KCNQ1OT1: variants seen among roughly 807,000 people sequenced by gnomAD.
The protein encoded by KCNQ1OT1 is KCNQ1 opposite strand/antisense transcript 1, also known as KCNQ1 antisense RNA 2 (non-protein coding).
chr11:2,650,489 T>C, exon 1 of KCNQ1OT1: 1 of 398,602 alleles, frequency 2.5e-6, no homozygotes, highest in African/African-American at 2.1e-5. Flanking sequence ...TGCAGAAGTG[T>C]GGTGTCTCTA....
At chr11:2,692,904 C>G in exon 1 of KCNQ1OT1, 1 of 398,358 alleles carries the variant, frequency 2.5e-6, no homozygotes, top group Non-Finnish European at 4.4e-6. Flanking sequence ...TGGCTAAAAT[C>G]AACTGTAGCA....
Position 2,678,480 on chromosome 11 carries a change from C to G in KCNQ1OT1, n.21515G>C. 1 of 398,584 alleles carries G rather than the reference C, an allele frequency of 2.5e-6. No individual in the cohort carries two copies. Among genetic ancestry groups the G allele is most frequent in the Non-Finnish European group, 4.4e-6 (1 of 226,054 alleles). 24.7% of individuals were successfully genotyped at this position (398,584 alleles called of 1,614,324 possible). Reference sequence around the variant, plus strand: ...TGCTACCTTTATCATATTTCAAACTCTCATTTAATTTGTGTCCATTTCTAG... The same window carrying G: ...TGCTACCTTTATCATATTTCAAACTGTCATTTAATTTGTGTCCATTTCTAG... On this transcript the variant is annotated non_coding_transcript_exon_variant, in exon 1 of 1. Coordinates refer to ENST00000597346, the Ensembl canonical transcript of KCNQ1OT1. The surrounding 1 kb of genome is among the most constrained non-coding windows in gnomAD (Gnocchi z 4.9).
chr11:2,609,533 G>C (rs1020665578), exon 1 of KCNQ1OT1: 3 of 398,124 alleles, frequency 7.5e-6, no homozygotes, highest in African/African-American at 2.1e-5. Flanking sequence ...ATTACCTTTT[G>C]AGTCTAGTTG....
chr11:2,631,511 G>A (rs991937992), exon 1 of KCNQ1OT1: 1 of 398,160 alleles, frequency 2.5e-6, no homozygotes, highest in Admixed American at 4.4e-5. Context: ...CTGTTCTCTG[G>A]TAGCACACTG....
chr11:2,616,872 T>C (rs184045767), exon 1 of KCNQ1OT1: 180 of 398,250 alleles, frequency 4.5e-4, no homozygotes, highest in African/African-American at 3.2e-3. Flanking sequence ...GGAGTGTCCA[T>C]ATATGTTTGT....
exon 1 of KCNQ1OT1, chr11:2,632,579 AT>A (rs1849378467): frequency 2.5e-6 from 1 of 398,340 alleles, no homozygotes; most frequent in Non-Finnish European, 4.4e-6. Context: ...ATACACAGTG[AT>A]ATTGTGATAC....
In KCNQ1OT1 at chr11:2,657,421, A is replaced by T; in HGVS notation, n.42574T>A. 1 of 398,538 alleles carries T rather than the reference A, an allele frequency of 2.5e-6. No homozygotes were observed. Among genetic ancestry groups the T allele is most frequent in the South Asian group, 1.3e-4 (1 of 7,856 alleles). The allele number at this position is 398,538 out of a possible 1,614,324, so 24.7% of individuals were successfully genotyped here. On this transcript the variant is annotated non_coding_transcript_exon_variant, in exon 1 of 1. Coordinates refer to ENST00000597346, the Ensembl canonical transcript of KCNQ1OT1. This position sits in a 1 kb window ranked among gnomAD's most constrained non-coding sequence, Gnocchi z 4.8. ...ACAATTTTCTCCAGAGTTCTTGCAT[A>T]TACTTAGTTAGATAATTAATATTCT...
exon 1 of KCNQ1OT1, chr11:2,660,773 TACA>T (rs1849939789): frequency 7.5e-6 from 3 of 398,642 alleles, no homozygotes; most frequent in Admixed American, 8.8e-5. Flanking sequence ...CCTGAATTGC[TACA>T]ACTTCTTGGG....
rs1258393846 is a variant in KCNQ1OT1, at chr11:2,627,736, C to A, written n.72259G>T. On this transcript the variant is annotated non_coding_transcript_exon_variant, in exon 1 of 1. Transcript: ENST00000597346. This position sits in a 1 kb window ranked among gnomAD's most constrained non-coding sequence, Gnocchi z 4.9. ...GTGTTTATTTGGGAATTTGGTGATA[C>A]ACACACACACACTATTTTCTTCCTT... The A allele has an allele frequency of 2.5e-6, 1 of 394,098 alleles. No homozygotes were observed. Among genetic ancestry groups the A allele is most frequent in the Non-Finnish European group, 4.5e-6 (1 of 223,496 alleles). 24.4% of individuals were successfully genotyped at this position (394,098 alleles called of 1,614,324 possible).
At chr11:2,649,991 TA>T (rs1849732929) in exon 1 of KCNQ1OT1, 7 of 398,498 alleles carry the variant, frequency 1.8e-5, no homozygotes, top group Non-Finnish European at 3.1e-5. Flanking sequence ...TTTTTATTGT[TA>T]TTTTTTAAAT....
chr11:2,648,607 C>A, exon 1 of KCNQ1OT1: 1 of 398,298 alleles, frequency 2.5e-6, no homozygotes, highest in Non-Finnish European at 4.4e-6. Flanking sequence ...TATTGATTTC[C>A]AGTTTTATTC....
At chr11:2,699,490 A>G (rs1463180751) in exon 1 of KCNQ1OT1, 3 of 170,010 alleles carry the variant, frequency 1.8e-5, no homozygotes, top group South Asian at 4.4e-4. Context: ...GCCCCCGGGG[A>G]GAGTGCCGCG....
In KCNQ1OT1 at chr11:2,690,123, G is replaced by A. The variant is rs1039988294; in HGVS notation, n.9872C>T. The stretch of plus-strand genomic sequence containing the variant: ...CTCTTCCGGGGTTAGAACTGGGGGA[G>A]CAGGGACAAAAAGCGGGCAGCCCTC... On this transcript the variant is annotated non_coding_transcript_exon_variant, in exon 1 of 1. Coordinates refer to ENST00000597346, the Ensembl canonical transcript of KCNQ1OT1. This position sits in a 1 kb window ranked among gnomAD's most constrained non-coding sequence, Gnocchi z 5.1. 7 of 398,888 alleles carry A rather than the reference G, an allele frequency of 1.8e-5. No homozygotes were observed. In the Admixed American group the frequency reaches 2.2e-4, roughly 13 times the overall value. The allele number at this position is 398,888 out of a possible 1,614,324, so 24.7% of individuals were successfully genotyped here.
In KCNQ1OT1 at chr11:2,651,912, G is replaced by T; in HGVS notation, n.48083C>A. Reference sequence around the variant, plus strand: ...CATAGCCGAGGGTCCCTCTGGGGCCGCTTGCTCTCCTCCTACTCACAGCCC... The same window carrying T: ...CATAGCCGAGGGTCCCTCTGGGGCCTCTTGCTCTCCTCCTACTCACAGCCC... On this transcript the variant is annotated non_coding_transcript_exon_variant, in exon 1 of 1. Transcript: ENST00000597346. The surrounding 1 kb of genome is among the most constrained non-coding windows in gnomAD (Gnocchi z 6.1). 2.5e-6 allele frequency: 1 copy of T among 398,754 alleles called. No individual in the cohort carries two copies. Among genetic ancestry groups the T allele is most frequent in the Non-Finnish European group, 4.4e-6 (1 of 226,180 alleles). The allele number at this position is 398,754 out of a possible 1,614,324, so 24.7% of individuals were successfully genotyped here. A position where few individuals can be genotyped will look rare whatever the true frequency, so the allele number is the denominator to read the frequency against.
chr11:2,686,323 G>T, exon 1 of KCNQ1OT1: 1 of 398,700 alleles, frequency 2.5e-6, no homozygotes, highest in East Asian at 3.6e-5. Flanking sequence ...CACCTGGCCC[G>T]TCCCACCTGT....
chr11:2,665,272 G>C, exon 1 of KCNQ1OT1: 1 of 398,534 alleles, frequency 2.5e-6, no homozygotes, highest in Non-Finnish European at 4.4e-6. Flanking sequence ...CCCTGAGCCT[G>C]TGTCTCCCAC....
exon 1 of KCNQ1OT1, chr11:2,615,520 G>T: frequency 2.5e-6 from 1 of 397,914 alleles, no homozygotes; most frequent in African/African-American, 2.1e-5. Flanking sequence ...TTCTCATTAA[G>T]TATATTAGTT....
exon 1 of KCNQ1OT1, chr11:2,680,908 T>G: frequency 5.0e-6 from 2 of 398,630 alleles, no homozygotes; most frequent in East Asian, 7.1e-5. Context: ...CATTTTGGTA[T>G]GACCCAATTT....
exon 1 of KCNQ1OT1, chr11:2,697,720 C>A: frequency 2.5e-6 from 1 of 398,588 alleles, no homozygotes; most frequent in East Asian, 3.6e-5. Flanking sequence ...AGAGCAATCC[C>A]ACTTGTTTAA....
Sources: gnomAD v4.1 joint callset for allele counts on GRCh38, gnomAD v4.1.1 for gene constraint, Gnocchi (gnomAD v3.1) non-coding constraint, MANE v1.5 for transcripts, NCBI Gene and HGNC (gene_info 2026-07-23, HGNC 2026-07-21) for gene names.